MTMR4: variants seen among roughly 807,000 people sequenced by gnomAD.
MTMR4 encodes the protein phosphatidylinositol-3,5-bisphosphate 3-phosphatase MTMR4.
A neutral mutation model predicts 125.5 loss-of-function variants in MTMR4; 30 were observed. The ratio of observed to expected loss-of-function variants is 0.24; its 90% CI spans 0.18 to 0.32. MTMR4 has a LOEUF of 0.32. Among genes scored for constraint, MTMR4 ranks in the 10% least tolerant of loss-of-function variants. MTMR4 has a pLI of 1.00. For synonymous variants in MTMR4, 498 were observed against 564.5 expected (o/e 0.88, Z 1.67); for missense variants, 1,039 against 1,511.5 (o/e 0.69, Z 5.18).
upstream of MTMR4, among the ~76,000 whole-genome samples, chr17:58,518,876 C>A (rs1457185870): frequency 1.3e-5 from 2 of 152,152 alleles, no homozygotes; most frequent in Non-Finnish European, 2.9e-5. Context: ...TTAATTAGCC[C>A]GGGGCTAATG....
At chr17:58,506,270 C>T (rs913507620) in intron 9 of MTMR4, among the ~76,000 whole-genome samples, 2 of 152,188 alleles carry the variant, frequency 1.3e-5, no homozygotes, top group Non-Finnish European at 2.9e-5. Context: ...GCAACCTCTG[C>T]GTCCCAGATG....
chr17:58,499,253 A>G (rs984848329), intron 14 of MTMR4, among the ~76,000 whole-genome samples: 3 of 151,770 alleles, frequency 2.0e-5, no homozygotes, highest in Non-Finnish European at 4.4e-5. Context: ...AAAAAAAAAA[A>G]AACTACCTCT....
At chr17:58,514,773 C>T, upstream of MTMR4, 1 of 698,062 alleles carries the variant, frequency 1.4e-6, no homozygotes, top group Non-Finnish European at 1.8e-6. Context: ...GCGTACCCTA[C>T]TCCAGGGACC....
chr17:58,511,297 G>T (rs1043111270), intron 4 of MTMR4, 132 bp downstream of exon 4: 30 of 843,114 alleles, frequency 3.6e-5, no homozygotes, highest in Non-Finnish European at 5.3e-5. Flanking sequence ...CCAGAACATG[G>T]TCTTCACCTT....
At position 58,511,516 on chromosome 17, in the gene MTMR4, A is replaced by T. The variant is rs1311589868; in HGVS notation, c.253-5T>A. ...GTCAATCATCCGGAGGGGGACCTGT[A>T]GAGGAAGGGCAAACTGAAGCTCAGA... On this transcript the variant is annotated splice_region_variant and splice_polypyrimidine_tract_variant and intron_variant, in intron 3 of 17. Transcript: ENST00000682306. 1 of 1,612,070 alleles carries T rather than the reference A, an allele frequency of 6.2e-7. No individual in the cohort carries two copies. Among genetic ancestry groups the T allele is most frequent in the Admixed American group, 1.7e-5 (1 of 59,720 alleles).
intron 4 of MTMR4, chr17:58,511,114 GAATA>G: frequency 4.9e-6 from 1 of 202,702 alleles, no homozygotes. Flanking sequence ...TATATCAAAT[GAATA>G]AATAAATAAA....
At chr17:58,515,283 G>A (rs1976058107), upstream of MTMR4, among the ~76,000 whole-genome samples, 3 of 152,186 alleles carry the variant, frequency 2.0e-5, no homozygotes, top group South Asian at 6.2e-4. Context: ...TTGAAACCCA[G>A]GAGCAGCGGA....
Position 58,496,156 on chromosome 17 carries a change from C to A in MTMR4, c.2028G>T (p.Gly676=), listed in dbSNP as rs147837625. 1 of 1,614,092 alleles carries A rather than the reference C, an allele frequency of 6.2e-7. No individual in the cohort carries two copies. The highest frequency in any genetic ancestry group is 8.5e-7 in the Non-Finnish European group (1 of 1,180,006). Reference sequence around the variant, plus strand: ...CTACAGTTTGCTGAGGCCCTCCTACCCCAGAGTCCACAAAGCTTGTCTCTG... The same window carrying A: ...CTACAGTTTGCTGAGGCCCTCCTACACCAGAGTCCACAAAGCTTGTCTCTG... The part of the protein sequence containing the change: ...EGSETSFVDS[G]VGGPQQTVGE... Residue 676 remains glycine, a synonymous_variant, in exon 15 of 18, where the codon GGG becomes GGT. Coordinates refer to ENST00000682306, the MANE Select transcript of MTMR4 (RefSeq NM_001378067.1).
At chr17:58,507,445 C>A (rs868312568) in intron 7 of MTMR4, 126 bp from the exon 8 acceptor site, 1 of 722,478 alleles carries the variant, frequency 1.4e-6, no homozygotes, top group South Asian at 1.9e-5. Context: ...ATAACAGCAA[C>A]CAAAAGCCCC....
In MTMR4 at chr17:58,508,021, AGTTTTT is replaced by A. The variant is rs1975823679; in HGVS notation, c.707+134_707+139del. 4.9e-6 allele frequency: 3 copies of A among 617,444 alleles called. No individual in the cohort carries two copies. Among genetic ancestry groups the A allele is most frequent in the Non-Finnish European group, 8.5e-6 (3 of 353,368 alleles). The allele number at this position is 617,444 out of a possible 1,614,324, so 38.2% of individuals were successfully genotyped here. Reference sequence around the variant, plus strand: ...TATTCTTAGGAGAAAAAACTAAGATAGTTTTTGTTTTAAAGTTATTTCATACTTCCC... The same window carrying A: ...TATTCTTAGGAGAAAAAACTAAGATAGTTTTAAAGTTATTTCATACTTCCC... On this transcript the variant is annotated intron_variant, in intron 7 of 17. Transcript: ENST00000682306. The surrounding 1 kb of genome is among the most constrained non-coding windows in gnomAD (Gnocchi z 4.8).
chr17:58,514,388 ACGCGGGCGGTCAGGCTCATGGT>A lies in MTMR4; in HGVS notation c.-3_19del, dbSNP rs1169383110. ...GAAGCAGCTAAGCATGGAGCAGGAG[ACGCGGGCGGTCAGGCTCATGGT>A]CGCGGGCGGTCTGGGCCAGCGCACA... On this transcript the variant is annotated start_lost and 5_prime_UTR_variant, in exon 1 of 18. Transcript: ENST00000682306. The A allele has an allele frequency of 5.1e-6, 5 of 986,780 alleles. No homozygotes were observed. Among genetic ancestry groups the A allele is most frequent in the Non-Finnish European group, 6.0e-6 (5 of 830,324 alleles). The allele number at this position is 986,780 out of a possible 1,614,324, so 61.1% of individuals were successfully genotyped here.
chr17:58,493,225 T>C (rs954356353), intron 15 of MTMR4, among the ~76,000 whole-genome samples: 4 of 152,270 alleles, frequency 2.6e-5, no homozygotes, highest in Non-Finnish European at 5.9e-5. Context: ...AGAAAGACTC[T>C]TGTTATGTTC....
At position 58,510,769 on chromosome 17, in the gene MTMR4, G is replaced by A. The variant is rs560450131; in HGVS notation, c.335+660C>T. 2.6e-5 allele frequency: 4 copies of A among 152,112 alleles called. 1 individual carries two copies. Among genetic ancestry groups the A allele is most frequent in the Admixed American group, 1.3e-4 (2 of 15,278 alleles). 9.4% of individuals were successfully genotyped at this position (152,112 alleles called of 1,614,324 possible). ...TTTTTCTATTTTTAGTAGAGATGGGGTCTCGCTATGTTGCCCAGGCTGATC... is the reference window on the plus strand; with the variant it reads ...TTTTTCTATTTTTAGTAGAGATGGGATCTCGCTATGTTGCCCAGGCTGATC... On this transcript the variant is annotated intron_variant, in intron 4 of 17. Coordinates refer to ENST00000682306, the MANE Select transcript of MTMR4 (RefSeq NM_001378067.1).
rs1975723139 is a variant in MTMR4 at position 58,504,359 on chromosome 17, C to G, written c.1471G>C (p.Val491Leu). 2 of 1,614,012 alleles carry G rather than the reference C, an allele frequency of 1.2e-6. No individual in the cohort carries two copies. The highest frequency in any genetic ancestry group is 1.7e-6 in the Non-Finnish European group (2 of 1,180,032). The change falls in exon 12 of 18, where the codon GTT (valine) becomes CTT (leucine). Residue 491 changes from valine to leucine, a missense_variant. Physicochemically the swap from Val to Leu is conservative, Grantham distance 32. Around this residue, in one of 6 missense-constraint regions of MTMR4, gnomAD observed 107 missense variants for 267.4 expected, o/e 0.40. Coordinates refer to ENST00000682306, the MANE Select transcript of MTMR4 (RefSeq NM_001378067.1). This position sits in a 1 kb window ranked among gnomAD's most constrained non-coding sequence, Gnocchi z 7.1. Reference protein sequence around the residue: ...CPVFLQWLDSVHQLLKQFPCL... With the variant: ...CPVFLQWLDSLHQLLKQFPCL... The stretch of plus-strand genomic sequence containing the variant: ...GGGAACTGCTTAAGCAACTGATGAA[C>G]AGAATCAAGCCACTGGAGGAACACA...
At position 58,491,794 on chromosome 17, in the gene MTMR4, G is replaced by A. The variant is rs201618118; in HGVS notation, c.3499C>T (p.Pro1167Ser). ...FCAGCCHLKL[P>S]IPDQQLYDPV... ...TCATAGAGTTGCTGATCAGGAATGGGCAGCTTCAGGTGGCAGCATCCAGCA... is the reference window on the plus strand; with the variant it reads ...TCATAGAGTTGCTGATCAGGAATGGACAGCTTCAGGTGGCAGCATCCAGCA... The change falls in exon 18 of 18, where the codon CCC becomes TCC. Residue 1167 changes from proline (P) to serine (S), a missense_variant. Around this residue, in one of 6 missense-constraint regions of MTMR4, gnomAD observed 60 missense variants for 129.6 expected, o/e 0.46. Transcript: ENST00000682306. 109 of 1,613,822 alleles carry A rather than the reference G, an allele frequency of 6.8e-5. No homozygotes were observed. Among genetic ancestry groups the A allele is most frequent in the Non-Finnish European group, 8.6e-5 (101 of 1,179,888 alleles).
Position 58,504,524 on chromosome 17 carries a change from T to C in MTMR4, c.1342-36A>G, listed in dbSNP as rs761261280. ...AGAAACTGTTCAAACATAGGGCCTC[T>C]CTGGAAATGCTGATGTGCTACTCCC... is the stretch of plus-strand genomic sequence containing the variant. On this transcript the variant is annotated intron_variant, in intron 11 of 17. Transcript: ENST00000682306. The surrounding 1 kb of genome is among the most constrained non-coding windows in gnomAD (Gnocchi z 7.1). The C allele has an allele frequency of 6.3e-7, 1 of 1,597,106 alleles. No homozygotes were observed. Among genetic ancestry groups the C allele is most frequent in the Non-Finnish European group, 8.5e-7 (1 of 1,170,714 alleles).
intron 14 of MTMR4, among the ~76,000 whole-genome samples, chr17:58,502,045 C>T (rs1013146660): frequency 6.7e-6 from 1 of 149,422 alleles, no homozygotes; most frequent in African/African-American, 2.5e-5. Flanking sequence ...GGCAACAGAG[C>T]GAAACTCTGT....
chr17:58,515,981 GGGT>G (rs1339130177), upstream of MTMR4, among the ~76,000 whole-genome samples: 1 of 152,192 alleles, frequency 6.6e-6, no homozygotes, highest in Admixed American at 6.5e-5. Context: ...CCTGGACTTG[GGGT>G]GAGAGAAGGG....
chr17:58,492,946 A>G lies in MTMR4; in HGVS notation c.3259T>C (p.Leu1087=). The part of the protein sequence containing the change: ...PMDYEDDFTC[L]KESDGSDTED... ...GTATCACTGCCATCTGACTCCTTCAAACATGTCTGATGAAAAGGCAAAGAC... is the reference window on the plus strand; with the variant it reads ...GTATCACTGCCATCTGACTCCTTCAGACATGTCTGATGAAAAGGCAAAGAC... The change falls in exon 16 of 18, where the codon TTG becomes CTG. Residue 1087 remains leucine (L), a synonymous_variant. Transcript: ENST00000682306. 6 of 1,613,962 alleles carry G rather than the reference A, an allele frequency of 3.7e-6. No homozygotes were observed. Among genetic ancestry groups the G allele is most frequent in the Non-Finnish European group, 5.1e-6 (6 of 1,179,794 alleles).
Sources: allele counts gnomAD v4.1 joint callset (sites outside exome capture counted in the v4.1 genomes callset), GRCh38; gene constraint gnomAD v4.1.1; regional missense constraint gnomAD v4.1.1; non-coding constraint Gnocchi (gnomAD v3.1); transcripts MANE v1.5; gene names NCBI Gene and HGNC (gene_info 2026-07-23, HGNC 2026-07-21).